BET1L: variants seen among roughly 807,000 people sequenced by gnomAD.
BET1L encodes the protein BET1-like protein.
Under a neutral mutation model 12.6 loss-of-function variants are expected in BET1L, and 13 were observed. The observed-to-expected ratio is 1.03, with a 90% CI of 0.67 to 1.64. BET1L has a LOEUF of 1.64. Among genes scored for constraint, BET1L ranks in the 40% most tolerant of loss-of-function variants. The pLI is 0.00. For synonymous variants in BET1L, 60 were observed against 56.9 expected (o/e 1.05, Z -0.25); for missense variants, 154 against 150.7 (o/e 1.02, Z -0.11).
intron 1 of BET1L, 117 bp downstream of exon 1, chr11:207,186 G>T: frequency 7.5e-7 from 1 of 1,334,752 alleles, no homozygotes; most frequent in Non-Finnish European, 1.0e-6. Context: ...CCCTGACAGG[G>T]TCCTCTCGGC....
chr11:205,311 T>G lies in BET1L; in HGVS notation c.327A>C (p.Ala109=). The G allele has an allele frequency of 6.2e-7, 1 of 1,612,796 alleles. No homozygotes were observed. The highest frequency in any genetic ancestry group is 8.5e-7 in the Non-Finnish European group (1 of 1,179,194). The change falls in exon 4 of 4, where the codon GCA becomes GCC. Residue 109 remains alanine, a synonymous_variant. Coordinates refer to ENST00000382762, the MANE Select transcript of BET1L (RefSeq NM_001098787.2). ...FFILSYFLSR[A]RT is the part of the protein sequence containing the mutation. ...ACCAGCTCCCACTGGCTCACGTCCT[T>G]GCCCTGGACAAGAAGTAGGAGAGGA...
chr11:207,350 A>ACACCGACGCGGC lies in BET1L; in HGVS notation c.-41_-30dup, dbSNP rs750452680. 1.0e-5 allele frequency: 12 copies of ACACCGACGCGGC among 1,164,880 alleles called. No homozygotes were observed. Among genetic ancestry groups the ACACCGACGCGGC allele is most frequent in the Non-Finnish European group, 1.3e-5 (12 of 889,038 alleles). 72.2% of individuals were successfully genotyped at this position (1,164,880 alleles called of 1,614,324 possible). A position where few individuals can be genotyped will look rare whatever the true frequency, so the allele number is the denominator to read the frequency against. On this transcript the variant is annotated 5_prime_UTR_variant, in exon 1 of 4. Transcript: ENST00000382762. ...GCCCTGCCCCGGCTCCTCGACGCGG[A>ACACCGACGCGGC]CACCGACGCGGCCACAGCCGCCTCA...
Position 205,335 on chromosome 11 carries a change from G to A in BET1L, c.303C>T (p.Ile101=). The A allele has an allele frequency of 6.2e-7, 1 of 1,613,910 alleles. No individual in the cohort carries two copies. The highest frequency in any genetic ancestry group is 2.2e-5 in the East Asian group (1 of 44,884). ...MAVGLIVAFF[I]LSYFLSRART ...TTGCCCTGGACAAGAAGTAGGAGAG[G>A]ATGAAGAAGGCCACAATTAGACCCA... is the stretch of plus-strand genomic sequence containing the variant. Residue 101 remains isoleucine (I), a synonymous_variant, in exon 4 of 4, where the codon ATC becomes ATT. Coordinates refer to ENST00000382762, the MANE Select transcript of BET1L (RefSeq NM_001098787.2).
chr11:204,825 C>T lies in BET1L; in HGVS notation c.*477G>A. On this transcript the variant is annotated 3_prime_UTR_variant, in exon 4 of 4. Coordinates refer to ENST00000382762, the MANE Select transcript of BET1L (RefSeq NM_001098787.2). ...AAGCCTCGGTCGGAGGAGATGACAC[C>T]CACTTAGGGTTCACAGCCCCTTCCT... 5.7e-6 allele frequency: 1 copy of T among 174,242 alleles called. No individual in the cohort carries two copies. Among genetic ancestry groups the T allele is most frequent in the Non-Finnish European group, 1.2e-5 (1 of 80,430 alleles). The allele number at this position is 174,242 out of a possible 1,614,324, so 10.8% of individuals were successfully genotyped here. A position where few individuals can be genotyped will look rare whatever the true frequency, so the allele number is the denominator to read the frequency against.
chr11:205,427 C>A lies in BET1L; in HGVS notation c.211G>T (p.Val71Leu). 1 of 1,614,234 alleles carries A rather than the reference C, an allele frequency of 6.2e-7. No individual in the cohort carries two copies. Among genetic ancestry groups the A allele is most frequent in the Non-Finnish European group, 8.5e-7 (1 of 1,180,046 alleles). The change falls in exon 4 of 4, where the codon GTG becomes TTG. Residue 71 changes from valine (V) to leucine (L), a missense_variant. Coordinates refer to ENST00000382762, the MANE Select transcript of BET1L (RefSeq NM_001098787.2). ...TSMTSLLTGSVKRFSTMARSG... is the reference protein window; with the variant it reads ...TSMTSLLTGSLKRFSTMARSG... ...CTTGCCATTGTGGAAAAGCGCTTCACGCTCCCTGTAAGCAGGCTGGTCATG... is the reference window on the plus strand; with the variant it reads ...CTTGCCATTGTGGAAAAGCGCTTCAAGCTCCCTGTAAGCAGGCTGGTCATG...
intron 1 of BET1L, 137 bp from the exon 2 acceptor site, chr11:206,180 G>A (rs1173266970): frequency 4.3e-6 from 3 of 691,978 alleles, no homozygotes; most frequent in African/African-American, 3.5e-5. Flanking sequence ...TCTTGCACAT[G>A]AGACAGGCTG....
Position 205,225 on chromosome 11 carries a change from G to A in BET1L, c.*77C>T. The A allele has an allele frequency of 6.7e-7, 1 of 1,489,766 alleles. No individual in the cohort carries two copies. 92.3% of individuals were successfully genotyped at this position (1,489,766 alleles called of 1,614,324 possible). A position where few individuals can be genotyped will look rare whatever the true frequency, so the allele number is the denominator to read the frequency against. ...TTGCAAAGGAGTATTTTGTAGGTAAGTCCTCTGGAGCCCAAAACACCAGGC... is the reference window on the plus strand; with the variant it reads ...TTGCAAAGGAGTATTTTGTAGGTAAATCCTCTGGAGCCCAAAACACCAGGC... On this transcript the variant is annotated 3_prime_UTR_variant, in exon 4 of 4. Coordinates refer to ENST00000382762, the MANE Select transcript of BET1L (RefSeq NM_001098787.2).
At chr11:205,820 T>C (rs940834476) in intron 2 of BET1L, 132 bp downstream of exon 2, 14 of 1,436,632 alleles carry the variant, frequency 9.7e-6, no homozygotes, top group East Asian at 2.3e-5. Flanking sequence ...TGGGGCCTCA[T>C]GCAGGTGAGC....
rs1253885432 is a variant in BET1L at position 205,121 on chromosome 11, GC to G, written c.*180del. ...AGAGTCCCTTTCACACATGGGACCA[GC>G]CAACATGAGCTCATCAGGTCACAGG... On this transcript the variant is annotated 3_prime_UTR_variant, in exon 4 of 4. Transcript: ENST00000382762. 1 of 806,308 alleles carries G rather than the reference GC, an allele frequency of 1.2e-6. No individual in the cohort carries two copies. Among genetic ancestry groups the G allele is most frequent in the Non-Finnish European group, 1.9e-6 (1 of 530,058 alleles). The allele number at this position is 806,308 out of a possible 1,614,324, so 49.9% of individuals were successfully genotyped here.
At position 207,311 on chromosome 11, in the gene BET1L, C is replaced by T; in HGVS notation, c.11G>A (p.Trp4Ter). 6.4e-7 allele frequency: 1 copy of T among 1,551,276 alleles called. No individual in the cohort carries two copies. Among genetic ancestry groups the T allele is most frequent in the Non-Finnish European group, 8.6e-7 (1 of 1,156,520 alleles). The change falls in exon 1 of 4, where the codon TGG becomes TAG. Residue 4 changes from tryptophan to a stop codon, truncating the protein, a stop_gained. Coordinates refer to ENST00000382762, the MANE Select transcript of BET1L (RefSeq NM_001098787.2). LOFTEE classifies it high-confidence loss of function. The stretch of plus-strand genomic sequence containing the variant: ...CGCTCTCCCGCGCTCACCCCGAGCC[C>T]AGTCCGCCATCGTGCCCTGCCCCGG... MAD[W>*]ARAQSPGAVE... is the part of the protein sequence containing the mutation.
rs1855137338 is a variant in BET1L, at chr11:205,824, G to A, written c.111+128C>T. ...CAGGTGTCAGCTGGGGCCTCATGCAGGTGAGCACAGCCACGAATTGGATGA... is the reference window on the plus strand; with the variant it reads ...CAGGTGTCAGCTGGGGCCTCATGCAAGTGAGCACAGCCACGAATTGGATGA... On this transcript the variant is annotated intron_variant, in intron 2 of 3. Coordinates refer to ENST00000382762, the MANE Select transcript of BET1L (RefSeq NM_001098787.2). The A allele has an allele frequency of 2.4e-5, 34 of 1,432,772 alleles. No individual in the cohort carries two copies. The South Asian group carries it at 3.8e-4, about 16-fold the overall frequency. The allele number at this position is 1,432,772 out of a possible 1,614,324, so 88.8% of individuals were successfully genotyped here.
chr11:205,798 C>G, intron 2 of BET1L, 131 bp from the exon 3 acceptor site: 1 of 1,467,320 alleles, frequency 6.8e-7, no homozygotes, highest in African/African-American at 1.4e-5. Context: ...ACAGAAAGGT[C>G]CAGGTGTCAG....
At chr11:206,229 A>C (rs1049046482) in intron 1 of BET1L, among the ~76,000 whole-genome samples, 186 bp from the exon 2 acceptor site, 12 of 152,192 alleles carry the variant, frequency 7.9e-5, no homozygotes, top group African/African-American at 2.9e-4. Context: ...TCATGTGAAC[A>C]CATGTCCTGT....
intron 2 of BET1L, 139 bp from the exon 3 acceptor site, chr11:205,806 C>A: frequency 6.9e-7 from 1 of 1,447,328 alleles, no homozygotes; most frequent in South Asian, 1.3e-5. Flanking sequence ...GTCCAGGTGT[C>A]AGCTGGGGCC....
At position 205,261 on chromosome 11, in the gene BET1L, C is replaced by G; in HGVS notation, c.*41G>C. The G allele has an allele frequency of 6.3e-7, 1 of 1,588,608 alleles. No homozygotes were observed. Among genetic ancestry groups the G allele is most frequent in the Non-Finnish European group, 8.6e-7 (1 of 1,165,266 alleles). ...CCCAAAACACCAGGCAGGGAAGACC[C>G]TGGCTGCCCTTGGCACCCACAGACA... On this transcript the variant is annotated 3_prime_UTR_variant, in exon 4 of 4. Transcript: ENST00000382762.
chr11:204,843 C>T lies in BET1L; in HGVS notation c.*459G>A. ...ATGACACCCACTTAGGGTTCACAGC[C>T]CCTTCCTGTGTCAGTTCCAGGAACC... is the stretch of plus-strand genomic sequence containing the variant. On this transcript the variant is annotated 3_prime_UTR_variant, in exon 4 of 4. Coordinates refer to ENST00000382762, the MANE Select transcript of BET1L (RefSeq NM_001098787.2). The T allele has an allele frequency of 5.3e-6, 1 of 187,342 alleles. No individual in the cohort carries two copies. The highest frequency in any genetic ancestry group is 1.1e-5 in the Non-Finnish European group (1 of 88,046). The allele number at this position is 187,342 out of a possible 1,614,324, so 11.6% of individuals were successfully genotyped here. A position where few individuals can be genotyped will look rare whatever the true frequency, so the allele number is the denominator to read the frequency against.
chr11:204,328 G>T lies in BET1L; in HGVS notation c.*974C>A. 1 of 152,404 alleles carries T rather than the reference G, an allele frequency of 6.6e-6. No individual in the cohort carries two copies. 9.4% of individuals were successfully genotyped at this position (152,404 alleles called of 1,614,324 possible). A position where few individuals can be genotyped will look rare whatever the true frequency, so the allele number is the denominator to read the frequency against. On this transcript the variant is annotated 3_prime_UTR_variant, in exon 4 of 4. Coordinates refer to ENST00000382762, the MANE Select transcript of BET1L (RefSeq NM_001098787.2). ...AGGTGGGTAGGGAGGGCATCCTGCA[G>T]AGGCTGGGGACAAGGAGGATGGCAC...
intron 2 of BET1L, 103 bp downstream of exon 2, chr11:205,849 A>C (rs899404151): frequency 1.4e-6 from 2 of 1,470,254 alleles, no homozygotes; most frequent in African/African-American, 1.4e-5. Flanking sequence ...GAATTGGATG[A>C]GGATGGAAAA....
In BET1L at chr11:205,940, A is replaced by G; in HGVS notation, c.111+12T>C. 6.2e-7 allele frequency: 1 copy of G among 1,613,136 alleles called. No homozygotes were observed. Among genetic ancestry groups the G allele is most frequent in the Non-Finnish European group, 8.5e-7 (1 of 1,179,276 alleles). Reference sequence around the variant, plus strand: ...GCACCAGGTGGAGGTAAGAGGACAGACCACCACTGACCGATTTGAGCCTGG... The same window carrying G: ...GCACCAGGTGGAGGTAAGAGGACAGGCCACCACTGACCGATTTGAGCCTGG... On this transcript the variant is annotated intron_variant, in intron 2 of 3. Transcript: ENST00000382762.
Sources: gnomAD v4.1 joint callset for allele counts (sites outside exome capture counted in the v4.1 genomes callset) on GRCh38, gnomAD v4.1.1 for gene constraint, MANE v1.5 for transcripts, NCBI Gene and HGNC (gene_info 2026-07-23, HGNC 2026-07-21) for gene names.